Variants in NXPH1 observed in about 807,000 individuals in gnomAD.
NXPH1 encodes neurexophilin-1.
A neutral mutation model predicts 23.7 loss-of-function variants in NXPH1; 5 were observed. The observed-to-expected ratio is 0.21, with a 90% CI of 0.11 to 0.44. NXPH1 has a LOEUF of 0.44. Ranked by LOEUF, NXPH1 falls within the 20% of genes least tolerant of loss-of-function variation. The pLI, the probability that NXPH1 is intolerant of heterozygous loss-of-function variation, is 0.99. For missense variants in NXPH1, 324 were observed against 321.6 expected (o/e 1.01, Z -0.06); for synonymous variants, 144 against 122.2 (o/e 1.18, Z -1.18).
chr7:8,438,785 A>T (rs890640726), intron 2 of NXPH1, among the ~76,000 whole-genome samples: 5 of 152,222 alleles, frequency 3.3e-5, no homozygotes, highest in African/African-American at 1.2e-4. Context: ...TTTGCAAAGT[A>T]TGTTTCTGGG....
In NXPH1 at chr7:8,747,021, A is replaced by G. The variant is rs545934145; in HGVS notation, c.55-3987A>G. 1.7e-4 allele frequency among the ~76,000 whole-genome samples: 26 copies of G among 152,328 alleles called. No homozygotes were observed. The East Asian group carries it at 4.6e-3, about 27-fold the overall frequency. On this transcript the variant is annotated intron_variant, in intron 2 of 2. Transcript: ENST00000405863. ...GGTAAAAATATCTGGTGATGACAACAGCTAAGACGACTATTGAACAGTGTT... is the reference window on the plus strand; with the variant it reads ...GGTAAAAATATCTGGTGATGACAACGGCTAAGACGACTATTGAACAGTGTT...
chr7:8,549,902 A>T (rs537281252), intron 2 of NXPH1, among the ~76,000 whole-genome samples: 1 of 151,556 alleles, frequency 6.6e-6, no homozygotes, highest in East Asian at 2.0e-4. Context: ...TTGTTTCTCA[A>T]ATTCCCTCTA....
chr7:8,691,770 A>T (rs1197346625), intron 2 of NXPH1, among the ~76,000 whole-genome samples: 1 of 152,190 alleles, frequency 6.6e-6, no homozygotes, highest in Non-Finnish European at 1.5e-5. Flanking sequence ...CATGTTCTCT[A>T]ATCTAATGGA....
intron 2 of NXPH1, among the ~76,000 whole-genome samples, chr7:8,508,942 T>G (rs4725100): frequency 0.7 from 106,310 of 151,922 alleles, 37,438 homozygotes; most frequent in African/African-American, 0.78. Context: ...TGGCCAAAGA[T>G]AAAGCTCAAA....
At chr7:8,587,159 AT>A (rs1412391706) in intron 2 of NXPH1, among the ~76,000 whole-genome samples, 1 of 152,098 alleles carries the variant, frequency 6.6e-6, no homozygotes, top group Non-Finnish European at 1.5e-5. Context: ...CATGTTTCTC[AT>A]AACCTTAATA....
At chr7:8,743,052 T>G (rs1780393612) in intron 2 of NXPH1, among the ~76,000 whole-genome samples, 2 of 152,182 alleles carry the variant, frequency 1.3e-5, no homozygotes, top group African/African-American at 4.8e-5. Flanking sequence ...CCTTAACCAA[T>G]AGTAGTCAAT....
intron 2 of NXPH1, among the ~76,000 whole-genome samples, chr7:8,517,371 A>G (rs1434340265): frequency 1.3e-5 from 2 of 152,154 alleles, no homozygotes; most frequent in Non-Finnish European, 2.9e-5. Flanking sequence ...ACATATGTGG[A>G]GGACTGGGAT....
chr7:8,477,599 G>A (rs6958274), intron 2 of NXPH1, among the ~76,000 whole-genome samples: 8 of 151,810 alleles, frequency 5.3e-5, no homozygotes, highest in African/African-American at 9.7e-5. Flanking sequence ...GTCTTAATGC[G>A]CCTCTTAACG....
chr7:8,617,087 T>TG (rs111379345), intron 2 of NXPH1, among the ~76,000 whole-genome samples: 2,040 of 152,110 alleles, frequency 0.013, 59 homozygotes, highest in African/African-American at 0.046. Flanking sequence ...TTACAATTGT[T>TG]GGGGGAAAGG....
chr7:8,603,596 A>T (rs1236451875), intron 2 of NXPH1, among the ~76,000 whole-genome samples: 1 of 152,128 alleles, frequency 6.6e-6, no homozygotes, highest in Non-Finnish European at 1.5e-5. Context: ...ATTTTGTGAT[A>T]TCTTTTCAGC....
At chr7:8,599,806 G>GT (rs1583183226) in intron 2 of NXPH1, among the ~76,000 whole-genome samples, 1 of 79,104 alleles carries the variant, frequency 1.3e-5, no homozygotes, top group Admixed American at 1.2e-4. Flanking sequence ...TAGATAGGAA[G>GT]ATTTTTTTTT....
rs73244874 is a variant in NXPH1, at chr7:8,747,206, C to T, written c.55-3802C>T. On this transcript the variant is annotated intron_variant, in intron 2 of 2. Transcript: ENST00000405863. ...CCCACATCACACAGCTGTTAAAGAT[C>T]AGAACCTGGACTGGGATTCAGGCAG... 5.3e-3 allele frequency among the ~76,000 whole-genome samples: 801 copies of T among 152,286 alleles called. 9 individuals are homozygous for T. Among genetic ancestry groups the T allele is most frequent in the African/African-American group, 0.018 (748 of 41,552 alleles).
rs112122119 is a variant in NXPH1, at chr7:8,744,195, A to T, written c.55-6813A>T. On this transcript the variant is annotated intron_variant, in intron 2 of 2. Transcript: ENST00000405863. ...CATATATTTAAAAATGCATACACTTATGTTAATAATCTTTATGTCTGAATG... is the reference window on the plus strand; with the variant it reads ...CATATATTTAAAAATGCATACACTTTTGTTAATAATCTTTATGTCTGAATG... 9.0e-3 allele frequency among the ~76,000 whole-genome samples: 1,372 copies of T among 152,304 alleles called. 20 individuals carry two copies. The highest frequency in any genetic ancestry group is 0.03 in the African/African-American group (1,260 of 41,560).
chr7:8,558,285 A>T (rs914403147), intron 2 of NXPH1, among the ~76,000 whole-genome samples: 1 of 151,574 alleles, frequency 6.6e-6, no homozygotes, highest in Non-Finnish European at 1.5e-5. Flanking sequence ...AACATTAACA[A>T]GTCTTTTTGG....
intron 2 of NXPH1, among the ~76,000 whole-genome samples, chr7:8,718,471 T>A (rs1562464160): frequency 6.6e-6 from 1 of 152,166 alleles, no homozygotes; most frequent in Non-Finnish European, 1.5e-5. Context: ...TTAACCCAAT[T>A]TAATTTATTC....
At chr7:8,545,017 A>G (rs573951290) in intron 2 of NXPH1, among the ~76,000 whole-genome samples, 1 of 151,682 alleles carries the variant, frequency 6.6e-6, no homozygotes, top group African/African-American at 2.4e-5. Flanking sequence ...TGCAGTACTG[A>G]AGGAAACAAC....
At chr7:8,708,729 G>T (rs1779741580) in intron 2 of NXPH1, among the ~76,000 whole-genome samples, 1 of 152,064 alleles carries the variant, frequency 6.6e-6, no homozygotes, top group Non-Finnish European at 1.5e-5. Context: ...TACTGAATTG[G>T]TGGTATGCTA....
At chr7:8,439,535 A>C (rs915513621) in intron 2 of NXPH1, among the ~76,000 whole-genome samples, 2 of 152,250 alleles carry the variant, frequency 1.3e-5, no homozygotes, top group Non-Finnish European at 2.9e-5. Context: ...GCTCTATTCT[A>C]ATGAGAAGGG....
chr7:8,436,845 A>G (rs1306763661), intron 2 of NXPH1, among the ~76,000 whole-genome samples: 1 of 152,182 alleles, frequency 6.6e-6, no homozygotes, highest in African/African-American at 2.4e-5. Flanking sequence ...AGAGCCTTAG[A>G]TAGAACCCAT....
Sources: gnomAD v4.1 joint callset for allele counts (sites outside exome capture counted in the v4.1 genomes callset) on GRCh38, gnomAD v4.1.1 for gene constraint, MANE v1.5 for transcripts, NCBI Gene and HGNC (gene_info 2026-07-23, HGNC 2026-07-21) for gene names.